Variants in RCBTB1 observed in about 807,000 individuals in gnomAD.
RCBTB1 encodes RCC1 and BTB domain-containing protein 1.
A neutral mutation model predicts 62.4 loss-of-function variants in RCBTB1; 46 were observed. The ratio of observed to expected loss-of-function variants is 0.74; its 90% CI spans 0.58 to 0.94. The LOEUF is 0.94. Among genes scored for constraint, RCBTB1 ranks in the 40% least tolerant of loss-of-function variants. RCBTB1 has a pLI of 0.00. For synonymous variants in RCBTB1, 222 were observed against 245.8 expected, an observed-to-expected ratio of 0.90 and a Z score of 0.91; for missense variants, 565 against 654.9, an observed-to-expected ratio of 0.86 and a Z score of 1.50.
chr13:49,558,800 ATC>A (rs1962172802), intron 5 of RCBTB1, among the ~76,000 whole-genome samples: 1 of 151,848 alleles, frequency 6.6e-6, no homozygotes, highest in South Asian at 2.1e-4. Context: ...CACATTTGTG[ATC>A]GTTTGCTTTT....
chr13:49,573,619 T>G (rs996207333), intron 2 of RCBTB1, among the ~76,000 whole-genome samples: 5 of 151,958 alleles, frequency 3.3e-5, no homozygotes, highest in African/African-American at 1.2e-4. Context: ...CGGCTAATTT[T>G]GCATTTTTTT....
At chr13:49,535,972 G>A (rs969348094) in intron 12 of RCBTB1, among the ~76,000 whole-genome samples, 26 of 150,110 alleles carry the variant, frequency 1.7e-4, no homozygotes, top group Admixed American at 1.1e-3. Context: ...GCAGTGAGCC[G>A]AGATCATGCC....
chr13:49,540,854 TTC>T lies in RCBTB1; in HGVS notation c.1455+20_1455+21del, dbSNP rs1031606136. ...CAAAGGGAGTTAAAGGTGGTCTGGT[TTC>T]TGTTTGTTGTTTAAGTTACCTCTGC... On this transcript the variant is annotated intron_variant, in intron 12 of 12. Coordinates refer to ENST00000378302, the MANE Select transcript of RCBTB1 (RefSeq NM_018191.4). 6.2e-7 allele frequency: 1 copy of T among 1,609,422 alleles called. No individual in the cohort carries two copies. Among genetic ancestry groups the T allele is most frequent in the Admixed American group, 1.7e-5 (1 of 59,040 alleles).
Position 49,536,200 on chromosome 13 carries a change from A to C in RCBTB1, c.1456-1938T>G, listed in dbSNP as rs796757395. Among the ~76,000 whole-genome samples, 3 of 152,344 alleles carry C rather than the reference A, an allele frequency of 2.0e-5. No homozygotes were observed. The South Asian group carries it at 6.2e-4, about 32-fold the overall frequency. Reference sequence around the variant, plus strand: ...CAATAAATATTCAAAAGTTCCAAACATTAAAAGCCAAACTAGAGAATTCTG... The same window carrying C: ...CAATAAATATTCAAAAGTTCCAAACCTTAAAAGCCAAACTAGAGAATTCTG... On this transcript the variant is annotated intron_variant, in intron 12 of 12. Coordinates refer to ENST00000378302, the MANE Select transcript of RCBTB1 (RefSeq NM_018191.4).
At chr13:49,557,766 AT>A (rs397712424) in intron 5 of RCBTB1, among the ~76,000 whole-genome samples, 6 of 150,878 alleles carry the variant, frequency 4.0e-5, no homozygotes, top group Middle Eastern at 3.4e-3. Context: ...ACAAAAAAAA[AT>A]TTTTTTTTTA....
chr13:49,559,452 C>G (rs113743888), intron 5 of RCBTB1, among the ~76,000 whole-genome samples: 4 of 151,956 alleles, frequency 2.6e-5, no homozygotes, highest in African/African-American at 7.3e-5. Context: ...GTCAGGAGAT[C>G]GAGACCATCC....
Position 49,585,526 on chromosome 13 carries a change from C to G in RCBTB1, c.-204G>C, listed in dbSNP as rs1964360701. ...CAATGGGCGCAGAAGTGCGAGCGAGCGGCGGTGCCCACCGGCAGCGAAGAG... is the reference window on the plus strand; with the variant it reads ...CAATGGGCGCAGAAGTGCGAGCGAGGGGCGGTGCCCACCGGCAGCGAAGAG... On this transcript the variant is annotated 5_prime_UTR_variant, in exon 1 of 13. Transcript: ENST00000378302. 1 of 152,168 alleles carries G rather than the reference C, an allele frequency of 6.6e-6. No individual in the cohort carries two copies. The highest frequency in any genetic ancestry group is 6.5e-5 in the Admixed American group (1 of 15,282). The allele number at this position is 152,168 out of a possible 1,614,324, so 9.4% of individuals were successfully genotyped here. A position where few individuals can be genotyped will look rare whatever the true frequency, so the allele number is the denominator to read the frequency against.
At chr13:49,566,260 A>AAAAAT (rs993570087) in intron 4 of RCBTB1, among the ~76,000 whole-genome samples, 5 of 133,428 alleles carry the variant, frequency 3.7e-5, no homozygotes, top group Non-Finnish European at 6.1e-5. Context: ...TGATCAATAA[A>AAAAAT]AAAATAAAAT....
intron 5 of RCBTB1, among the ~76,000 whole-genome samples, chr13:49,559,519 G>C (rs548185001): frequency 2.6e-5 from 4 of 152,060 alleles, no homozygotes; most frequent in Non-Finnish European, 5.9e-5. Flanking sequence ...AGGCGGGTGT[G>C]GTGGTGGGTG....
At chr13:49,561,657 T>C (rs1962437383) in intron 4 of RCBTB1, among the ~76,000 whole-genome samples, 1 of 152,018 alleles carries the variant, frequency 6.6e-6, no homozygotes, top group African/African-American at 2.4e-5. Flanking sequence ...AAAGTTTAAA[T>C]AGCAATAAAA....
intron 2 of RCBTB1, among the ~76,000 whole-genome samples, chr13:49,577,593 C>T (rs1289754049): frequency 6.6e-6 from 1 of 152,170 alleles, no homozygotes; most frequent in East Asian, 1.9e-4. Flanking sequence ...CTGGCTTCTA[C>T]TGACCTTAGA....
At chr13:49,582,489 A>G (rs531255677) in intron 1 of RCBTB1, among the ~76,000 whole-genome samples, 16 of 151,538 alleles carry the variant, frequency 1.1e-4, no homozygotes, top group Non-Finnish European at 2.2e-4. Flanking sequence ...TTCTGTCTCT[A>G]AATAAATAAA....
intron 12 of RCBTB1, among the ~76,000 whole-genome samples, chr13:49,540,436 T>A (rs1960256004): frequency 6.6e-6 from 1 of 152,196 alleles, no homozygotes; most frequent in Non-Finnish European, 1.5e-5. Flanking sequence ...TGAGCTGTAA[T>A]TAGACACTAA....
chr13:49,559,505 A>C (rs1379899274), intron 5 of RCBTB1, among the ~76,000 whole-genome samples: 1 of 151,932 alleles, frequency 6.6e-6, no homozygotes, highest in African/African-American at 2.4e-5. Context: ...AAATACAAAA[A>C]ATTAGGCGGG....
intron 6 of RCBTB1, among the ~76,000 whole-genome samples, chr13:49,555,278 A>G (rs1032766091): frequency 2.0e-5 from 3 of 152,226 alleles, no homozygotes; most frequent in African/African-American, 7.2e-5. Flanking sequence ...TGGATCTTGC[A>G]AAAAATACAA....
chr13:49,540,782 G>A, intron 12 of RCBTB1, 94 bp downstream of exon 12: 1 of 1,343,588 alleles, frequency 7.4e-7, no homozygotes, highest in Non-Finnish European at 1.0e-6. Flanking sequence ...GAAGTGGAGT[G>A]ACTCATCGTT....
chr13:49,584,040 C>A (rs1189633935), intron 1 of RCBTB1, among the ~76,000 whole-genome samples: 13 of 152,154 alleles, frequency 8.5e-5, no homozygotes, highest in Non-Finnish European at 2.9e-5. Context: ...GTTTCATCTA[C>A]CCCACAATGA....
At chr13:49,556,187 T>C (rs963700784) in intron 5 of RCBTB1, among the ~76,000 whole-genome samples, 1 of 148,792 alleles carries the variant, frequency 6.7e-6, no homozygotes, top group Admixed American at 6.6e-5. Flanking sequence ...TTCTTTTTGT[T>C]TTGCTTTGGT....
rs111712004 is a variant in RCBTB1, at chr13:49,546,721, G to C, written c.1046-1858C>G. 1.3e-3 allele frequency among the ~76,000 whole-genome samples: 198 copies of C among 152,236 alleles called. 1 individual carries two copies. The highest frequency in any genetic ancestry group is 4.4e-3 in the African/African-American group (184 of 41,526). ...ATGTGCAGTTCACAATAGGGCTTAC[G>C]CTTCTTTGAGAATCTAATACCGCTG... On this transcript the variant is annotated intron_variant, in intron 9 of 12. Transcript: ENST00000378302.
Sources: allele counts gnomAD v4.1 joint callset (sites outside exome capture counted in the v4.1 genomes callset), GRCh38; gene constraint gnomAD v4.1.1; transcripts MANE v1.5; gene names NCBI Gene and HGNC (gene_info 2026-07-23, HGNC 2026-07-21).